The following B4GALT5 variants were observed in gnomAD, a reference collection of about 807,000 sequenced individuals.
B4GALT5 encodes the protein beta-1,4-galactosyltransferase 5, also known as UDP-Gal:beta-GlcNAc beta-1,4-galactosyltransferase 5.
Under a neutral mutation model 45.0 loss-of-function variants are expected in B4GALT5, and 11 were observed. The ratio of observed to expected loss-of-function variants is 0.24; its 90% CI spans 0.15 to 0.40. The LOEUF is 0.40. Ranked by LOEUF, B4GALT5 falls within the 10% of genes least tolerant of loss-of-function variation. B4GALT5 has a pLI of 1.00. For missense variants in B4GALT5, 337 were observed against 500.2 expected, an observed-to-expected ratio of 0.67 and a Z score of 3.11; for synonymous variants, 185 against 182.9, an observed-to-expected ratio of 1.01 and a Z score of -0.09.
At chr20:49,696,939 C>T (rs980829427) in intron 1 of B4GALT5, among the ~76,000 whole-genome samples, 2 of 152,130 alleles carry the variant, frequency 1.3e-5, no homozygotes, top group South Asian at 4.1e-4. Flanking sequence ...TATAATACAA[C>T]CTGAAACTAT....
chr20:49,693,111 TG>T (rs1477897844), intron 1 of B4GALT5, among the ~76,000 whole-genome samples: 2 of 152,324 alleles, frequency 1.3e-5, no homozygotes, highest in East Asian at 1.9e-4. Flanking sequence ...TCTAGGTTGG[TG>T]TAAGTACACT....
At chr20:49,676,625 G>A (rs964208999) in intron 1 of B4GALT5, among the ~76,000 whole-genome samples, 1 of 152,176 alleles carries the variant, frequency 6.6e-6, no homozygotes, top group Non-Finnish European at 1.5e-5. Context: ...ATTGCTCTTG[G>A]CTACTGCGCA....
intron 1 of B4GALT5, among the ~76,000 whole-genome samples, chr20:49,683,113 A>G (rs2085770868): frequency 6.6e-6 from 1 of 152,120 alleles, no homozygotes; most frequent in African/African-American, 2.4e-5. Context: ...GAAAAAAAAA[A>G]AGTGACATAG....
intron 1 of B4GALT5, among the ~76,000 whole-genome samples, chr20:49,699,202 T>G (rs1355253106): frequency 6.6e-6 from 1 of 151,860 alleles, no homozygotes; most frequent in Non-Finnish European, 1.5e-5. Flanking sequence ...ACTGATTGCC[T>G]TATGTTTATC....
chr20:49,677,434 T>C (rs2085742778), intron 1 of B4GALT5, among the ~76,000 whole-genome samples: 1 of 152,210 alleles, frequency 6.6e-6, no homozygotes, highest in Admixed American at 6.5e-5. Flanking sequence ...ACTTTGGCAC[T>C]GGCTAAGGCT....
chr20:49,657,702 C>CG (rs2085648971), intron 1 of B4GALT5, among the ~76,000 whole-genome samples: 1 of 152,210 alleles, frequency 6.6e-6, no homozygotes, highest in African/African-American at 2.4e-5. Context: ...GACCAGGCCC[C>CG]AGTGCCTCCT....
Position 49,639,884 on chromosome 20 carries a change from A to G in B4GALT5, c.795-84T>C, listed in dbSNP as rs2122994127. On this transcript the variant is annotated intron_variant, in intron 6 of 8. Coordinates refer to ENST00000371711, the MANE Select transcript of B4GALT5 (RefSeq NM_004776.4). ...GAAGGTTCTCATTTGAGGACTAAAA[A>G]CAGTGCTCTCTGTGCTCCTGACCTG... 6 of 1,543,974 alleles carry G rather than the reference A, an allele frequency of 3.9e-6. No homozygotes were observed. The African/African-American group carries it at 5.5e-5, about 14-fold the overall frequency.
chr20:49,704,932 C>T (rs1362521556), intron 1 of B4GALT5, among the ~76,000 whole-genome samples: 3 of 151,836 alleles, frequency 2.0e-5, no homozygotes, highest in Non-Finnish European at 4.4e-5. Context: ...TGGGTAGCTC[C>T]GTCACCTGCA....
At chr20:49,687,143 G>A (rs910723702) in intron 1 of B4GALT5, among the ~76,000 whole-genome samples, 2 of 152,078 alleles carry the variant, frequency 1.3e-5, no homozygotes, top group African/African-American at 2.4e-5. Flanking sequence ...CATCTCTTGG[G>A]TAAAGGCCAC....
chr20:49,713,614 G>C lies in B4GALT5; in HGVS notation c.77C>G (p.Ser26Cys), dbSNP rs765941961. ...LAALFFFSLS[S>C]SLLYFVYVAP... ...CACATAGACGAAGTACAGCAGCGAG[G>C]ACGAGAGAGAAAAGAAGAAGAGCGC... is the stretch of plus-strand genomic sequence containing the variant. Residue 26 changes from serine to cysteine, a missense_variant, in exon 1 of 9, where the codon TCC becomes TGC. Ser to Cys is a moderately radical substitution (Grantham distance 112). Around this residue, in one of 2 missense-constraint regions of B4GALT5, gnomAD observed 174 missense variants for 207.4 expected, o/e 0.84. Coordinates refer to ENST00000371711, the MANE Select transcript of B4GALT5 (RefSeq NM_004776.4). The C allele has an allele frequency of 6.3e-7, 1 of 1,590,098 alleles. No individual in the cohort carries two copies. The highest frequency in any genetic ancestry group is 8.5e-7 in the Non-Finnish European group (1 of 1,170,018).
Position 49,670,632 on chromosome 20 carries a change from C to A in B4GALT5, c.116-13930G>T, listed in dbSNP as rs565653346. ...TCAACACTGAACTGCTATCTGCCTA[C>A]AACTAAGTTTCTTCTAACCCTTTGC... is the stretch of plus-strand genomic sequence containing the variant. On this transcript the variant is annotated intron_variant, in intron 1 of 8. Coordinates refer to ENST00000371711, the MANE Select transcript of B4GALT5 (RefSeq NM_004776.4). Among the ~76,000 whole-genome samples the A allele has an allele frequency of 3.2e-4, 49 of 152,312 alleles. 1 individual carries two copies. The highest frequency in any genetic ancestry group is 2.1e-3 in the East Asian group (11 of 5,188).
chr20:49,700,003 G>A (rs1361524064), intron 1 of B4GALT5, among the ~76,000 whole-genome samples: 2 of 152,060 alleles, frequency 1.3e-5, no homozygotes, highest in Non-Finnish European at 2.9e-5. Context: ...TTCCTCCGCT[G>A]CCCCCCACCC....
rs188529961 is a variant in B4GALT5 at position 49,684,713 on chromosome 20, C to T, written c.116-28011G>A. 1,099 of 500,820 alleles carry T rather than the reference C, an allele frequency of 2.2e-3. 9 individuals carry two copies. The highest frequency in any genetic ancestry group is 9.4e-3 in the South Asian group (641 of 68,490). The allele number at this position is 500,820 out of a possible 1,614,324, so 31.0% of individuals were successfully genotyped here. ...ACTTAAACGACATACTGAAGAGCCA[C>T]GTCCTTGTTCAAATAATTCCATTCC... On this transcript the variant is annotated intron_variant, in intron 1 of 8. Transcript: ENST00000371711.
At chr20:49,683,277 T>C (rs2085771581) in intron 1 of B4GALT5, among the ~76,000 whole-genome samples, 2 of 152,210 alleles carry the variant, frequency 1.3e-5, no homozygotes, top group Admixed American at 6.5e-5. Flanking sequence ...CTGTTTAGTC[T>C]AACAGGTATT....
At chr20:49,698,840 A>C (rs6067188) in intron 1 of B4GALT5, among the ~76,000 whole-genome samples, 120,440 of 152,098 alleles carry the variant, frequency 0.79, 47,790 homozygotes, top group Middle Eastern at 0.88. Flanking sequence ...TTTCTACCTT[A>C]CATCCAAGAG....
chr20:49,683,385 A>ATTTTTTTTTTT (rs66503719), intron 1 of B4GALT5, among the ~76,000 whole-genome samples: 2 of 96,628 alleles, frequency 2.1e-5, no homozygotes, highest in African/African-American at 8.2e-5. Flanking sequence ...ACAGGTTTAA[A>ATTTTTTTTTTT]TTTTTTTTTT....
At chr20:49,641,813 A>G (rs2085578036) in intron 5 of B4GALT5, among the ~76,000 whole-genome samples, 1 of 152,218 alleles carries the variant, frequency 6.6e-6, no homozygotes, top group Non-Finnish European at 1.5e-5. Flanking sequence ...CAAGGATCAC[A>G]TACTTCAAAA....
intron 5 of B4GALT5, among the ~76,000 whole-genome samples, chr20:49,641,118 AAAAAAG>A (rs146778973): frequency 0.11 from 16,037 of 151,970 alleles, 916 homozygotes; most frequent in Admixed American, 0.14. Context: ...CCATCTCCAA[AAAAAAG>A]AAAAAGAAAA....
chr20:49,669,118 C>T (rs966647856), intron 1 of B4GALT5, among the ~76,000 whole-genome samples: 1 of 152,130 alleles, frequency 6.6e-6, no homozygotes, highest in African/African-American at 2.4e-5. Context: ...GCCTCAGCCT[C>T]CCAAACTGCT....
Sources: gnomAD v4.1 joint callset for allele counts (sites outside exome capture counted in the v4.1 genomes callset) on GRCh38, gnomAD v4.1.1 for gene constraint, gnomAD v4.1.1 regional missense constraint, MANE v1.5 for transcripts, NCBI Gene and HGNC (gene_info 2026-07-23, HGNC 2026-07-21) for gene names.